MED1: variants seen among roughly 807,000 people sequenced by gnomAD.
The protein encoded by MED1 is mediator complex subunit 1.
Under a neutral mutation model 121.3 loss-of-function variants are expected in MED1, and 17 were observed. The observed-to-expected ratio is 0.14, with a 90% CI of 0.10 to 0.21. The LOEUF is 0.21. Among genes scored for constraint, MED1 ranks in the 10% least tolerant of loss-of-function variants. MED1 has a pLI of 1.00. For missense variants in MED1, 1,558 were observed against 1,919.4 expected (o/e 0.81, Z 3.52); for synonymous variants, 661 against 694.4 (o/e 0.95, Z 0.76).
intron 12 of MED1, 84 bp downstream of exon 12, chr17:39,423,613 A>T: frequency 6.4e-7 from 1 of 1,572,826 alleles, no homozygotes; most frequent in Non-Finnish European, 8.7e-7. Context: ...GGCATGTAAG[A>T]CTGAAAGACG....
At position 39,419,787 on chromosome 17, in the gene MED1, A is replaced by C; in HGVS notation, c.1227T>G (p.Asn409Lys). Residue 409 changes from asparagine to lysine, a missense_variant, in exon 14 of 17, where the codon AAT becomes AAG. Around this residue, in one of 5 missense-constraint regions of MED1, gnomAD observed 443 missense variants for 532.4 expected, o/e 0.83. Coordinates refer to ENST00000300651, the MANE Select transcript of MED1 (RefSeq NM_004774.4). ...QHPGRVPLIL[N>K]LIRHQVAYNT... ...TATAGGCCACTTGGTGTCTGATCAG[A>C]TTTAGGATAAGAGGAACTCGGCCAG... is the stretch of plus-strand genomic sequence containing the variant. 6.2e-7 allele frequency: 1 copy of C among 1,614,024 alleles called. No homozygotes were observed. Among genetic ancestry groups the C allele is most frequent in the Non-Finnish European group, 8.5e-7 (1 of 1,179,994 alleles).
intron 6 of MED1, among the ~76,000 whole-genome samples, chr17:39,438,645 T>C (rs868644020): frequency 8.6e-5 from 13 of 152,040 alleles, no homozygotes; most frequent in African/African-American, 2.7e-4. Context: ...GCCTAAATTT[T>C]ATATTTTTAA....
intron 12 of MED1, 81 bp downstream of exon 12, chr17:39,423,616 G>GA: frequency 6.3e-7 from 1 of 1,581,976 alleles, no homozygotes; most frequent in Admixed American, 1.7e-5. Context: ...ATGTAAGACT[G>GA]AAAGACGTCA....
chr17:39,415,212 C>T, intron 15 of MED1, 32 bp downstream of exon 15: 1 of 1,606,860 alleles, frequency 6.2e-7, no homozygotes, highest in South Asian at 1.1e-5. Context: ...CAAACCGCTC[C>T]ATGAGAGGTG....
In MED1 at chr17:39,406,415, T is replaced by C. The variant is rs892521952; in HGVS notation, c.*1060A>G. 2 of 985,322 alleles carry C rather than the reference T, an allele frequency of 2.0e-6. No individual in the cohort carries two copies. The highest frequency in any genetic ancestry group is 2.4e-6 in the Non-Finnish European group (2 of 829,948). The allele number at this position is 985,322 out of a possible 1,614,324, so 61.0% of individuals were successfully genotyped here. The stretch of plus-strand genomic sequence containing the variant: ...ATCAGTTCTCCTGCAAACAAAATGC[T>C]GGGATGCAGACTTTTGGCACATTGT... On this transcript the variant is annotated 3_prime_UTR_variant, in exon 17 of 17. Coordinates refer to ENST00000300651, the MANE Select transcript of MED1 (RefSeq NM_004774.4).
chr17:39,422,483 T>G (rs796824128), intron 13 of MED1, among the ~76,000 whole-genome samples: 44 of 145,272 alleles, frequency 3.0e-4, no homozygotes, highest in African/African-American at 9.8e-4. Context: ...TTTTTTTTTT[T>G]TTTTTTTTTT....
At chr17:39,435,649 T>C (rs2048611234) in intron 6 of MED1, among the ~76,000 whole-genome samples, 1 of 152,074 alleles carries the variant, frequency 6.6e-6, no homozygotes, top group Non-Finnish European at 1.5e-5. Context: ...AATATTACCA[T>C]CTATACTAAA....
chr17:39,422,721 C>T (rs2048478288), intron 13 of MED1, among the ~76,000 whole-genome samples: 1 of 151,562 alleles, frequency 6.6e-6, no homozygotes, highest in Non-Finnish European at 1.5e-5. Context: ...AGTGACCACC[C>T]GCCTTGGCCT....
Position 39,434,321 on chromosome 17 carries a change from C to G in MED1, c.429-1G>C. Reference sequence around the variant, plus strand: ...AGAAAATTCATCAAAATTTTTTTCCCTATAAGGAGTTCAGGGAAGAGGGGA... The same window carrying G: ...AGAAAATTCATCAAAATTTTTTTCCGTATAAGGAGTTCAGGGAAGAGGGGA... On this transcript the variant is annotated splice_acceptor_variant, in intron 6 of 16. Transcript: ENST00000300651. LOFTEE classifies it high-confidence loss of function. The G allele has an allele frequency of 6.5e-7, 1 of 1,533,336 alleles. No homozygotes were observed. The highest frequency in any genetic ancestry group is 1.4e-5 in the African/African-American group (1 of 71,238). 95.0% of individuals were successfully genotyped at this position (1,533,336 alleles called of 1,614,324 possible). A position where few individuals can be genotyped will look rare whatever the true frequency, so the allele number is the denominator to read the frequency against.
At chr17:39,411,545 C>G (rs1239346982) in intron 16 of MED1, among the ~76,000 whole-genome samples, 1 of 152,028 alleles carries the variant, frequency 6.6e-6, no homozygotes, top group Admixed American at 6.6e-5. Flanking sequence ...TCACTTGAAC[C>G]CAGGAGGCAG....
At chr17:39,427,183 A>G (rs1430452200) in intron 10 of MED1, among the ~76,000 whole-genome samples, 1 of 152,026 alleles carries the variant, frequency 6.6e-6, no homozygotes, top group African/African-American at 2.4e-5. Flanking sequence ...ATTCAAAAGT[A>G]CTTTTTTTCT....
chr17:39,445,033 C>T (rs557158115), intron 2 of MED1, among the ~76,000 whole-genome samples: 1 of 152,240 alleles, frequency 6.6e-6, no homozygotes, highest in South Asian at 2.1e-4. Context: ...GCAAATAAAT[C>T]TATCTCACTG....
chr17:39,412,533 C>CT lies in MED1; in HGVS notation c.1500-1813dup, dbSNP rs1170139893. ...CACCACACCCAGCCAGCAAATTTTT[C>CT]TTTTTTTTTTTTTTTTTTTCTTTGA... On this transcript the variant is annotated intron_variant, in intron 16 of 16. Coordinates refer to ENST00000300651, the MANE Select transcript of MED1 (RefSeq NM_004774.4). Among the ~76,000 whole-genome samples, 337 of 102,268 alleles carry CT rather than the reference C, an allele frequency of 3.3e-3. 1 individual carries two copies. The highest frequency in any genetic ancestry group is 8.5e-3 in the Admixed American group (84 of 9,910). The allele number at this position is 102,268 out of a possible 152,430, so 67.1% of individuals were successfully genotyped here.
rs778690474 is a variant in MED1, at chr17:39,440,451, C to T, written c.334G>A (p.Val112Met). The T allele has an allele frequency of 6.3e-7, 1 of 1,597,058 alleles. No individual in the cohort carries two copies. The highest frequency in any genetic ancestry group is 1.9e-5 in the Admixed American group (1 of 53,818). ...YITSDMFYVE[V>M]QLDPAGQLCD... ...AGCTGTCCTGCAGGATCTAACTGCA[C>T]TTCCACATAGAACATATCTGACGTG... The change falls in exon 5 of 17, where the codon GTG becomes ATG. Residue 112 changes from valine (V) to methionine (M), a missense_variant. Transcript: ENST00000300651. This position sits in a 1 kb window ranked among gnomAD's most constrained non-coding sequence, Gnocchi z 4.1.
chr17:39,446,343 G>A (rs1005492730), intron 2 of MED1, among the ~76,000 whole-genome samples: 2 of 150,434 alleles, frequency 1.3e-5, no homozygotes, highest in Admixed American at 6.7e-5. Flanking sequence ...CCAGCTACTC[G>A]GGAGGCTGAG....
intron 6 of MED1, among the ~76,000 whole-genome samples, chr17:39,437,993 C>T (rs914293616): frequency 1.3e-5 from 2 of 151,466 alleles, no homozygotes; most frequent in African/African-American, 4.9e-5. Flanking sequence ...CTCAGTGAGC[C>T]GAGACCGCAC....
chr17:39,424,006 G>A (rs1219284728), intron 11 of MED1, among the ~76,000 whole-genome samples, 185 bp from the exon 12 acceptor site: 5 of 151,476 alleles, frequency 3.3e-5, no homozygotes, highest in South Asian at 2.1e-4. Context: ...TCTCAGCTTC[G>A]TGAGTAGCTG....
intron 14 of MED1, among the ~76,000 whole-genome samples, chr17:39,416,261 C>G (rs1457292070): frequency 6.6e-6 from 1 of 152,062 alleles, no homozygotes; most frequent in African/African-American, 2.4e-5. Context: ...TAAAAGTGGC[C>G]GAGTGTCTCA....
intron 9 of MED1, among the ~76,000 whole-genome samples, chr17:39,428,574 C>T (rs1025035268): frequency 1.3e-5 from 2 of 152,058 alleles, no homozygotes; most frequent in African/African-American, 4.8e-5. Context: ...GTCAAGGATA[C>T]AATGAGCCGT....
Sources: allele counts gnomAD v4.1 joint callset (sites outside exome capture counted in the v4.1 genomes callset), GRCh38; gene constraint gnomAD v4.1.1; regional missense constraint gnomAD v4.1.1; non-coding constraint Gnocchi (gnomAD v3.1); transcripts MANE v1.5; gene names NCBI Gene and HGNC (gene_info 2026-07-23, HGNC 2026-07-21).